ANKS1B: variants seen among roughly 807,000 people sequenced by gnomAD.
ANKS1B encodes ankyrin repeat and sterile alpha motif domain-containing protein 1B.
Under a neutral mutation model 148.3 loss-of-function variants are expected in ANKS1B, and 36 were observed. The observed-to-expected ratio is 0.24, with a 90% CI of 0.19 to 0.32. The LOEUF is 0.32. Ranked by LOEUF, ANKS1B falls within the 10% of genes least tolerant of loss-of-function variation. The pLI is 1.00. For missense variants in ANKS1B, 1,157 were observed against 1,542.6 expected (o/e 0.75, Z 4.19); for synonymous variants, 542 against 560.8 (o/e 0.97, Z 0.47).
At chr12:98,952,428 A>C (rs950654933) in intron 17 of ANKS1B, among the ~76,000 whole-genome samples, 1 of 152,230 alleles carries the variant, frequency 6.6e-6, no homozygotes, top group African/African-American at 2.4e-5. Context: ...AGTTTGTTTT[A>C]GTGAAAGCAT....
chr12:98,799,236 C>T lies in ANKS1B; in HGVS notation c.3271-231G>A, dbSNP rs540280632. 2.0e-3 allele frequency among the ~76,000 whole-genome samples: 299 copies of T among 152,262 alleles called. 2 individuals are homozygous for T. The highest frequency in any genetic ancestry group is 7.0e-3 in the African/African-American group (291 of 41,534). On this transcript the variant is annotated intron_variant, in intron 21 of 26. Transcript: ENST00000683438. ...GTAATTGCTCTTTATAATGAAACTGCAACATCTTCTAAAGATGCCATCTTT... is the reference window on the plus strand; with the variant it reads ...GTAATTGCTCTTTATAATGAAACTGTAACATCTTCTAAAGATGCCATCTTT...
At chr12:99,463,394 T>A (rs1189901084) in intron 10 of ANKS1B, among the ~76,000 whole-genome samples, 1 of 152,224 alleles carries the variant, frequency 6.6e-6, no homozygotes, top group Non-Finnish European at 1.5e-5. Flanking sequence ...CATTTCCATC[T>A]GAGGTACCGG....
chr12:99,187,842 A>G (rs1324445587), intron 14 of ANKS1B, among the ~76,000 whole-genome samples: 2 of 152,190 alleles, frequency 1.3e-5, no homozygotes, highest in Non-Finnish European at 2.9e-5. Flanking sequence ...ACACATAACA[A>G]TATTAACCTT....
chr12:99,321,947 G>A (rs1290649838), intron 12 of ANKS1B, among the ~76,000 whole-genome samples: 1 of 152,144 alleles, frequency 6.6e-6, no homozygotes. Flanking sequence ...AAGACAGTAT[G>A]GTGATTCCTC....
intron 17 of ANKS1B, among the ~76,000 whole-genome samples, chr12:98,944,714 T>C (rs2099842456): frequency 6.6e-6 from 1 of 152,146 alleles, no homozygotes; most frequent in South Asian, 2.1e-4. Context: ...ACTCAAACCA[T>C]GGAATGAAAT....
In ANKS1B at chr12:99,895,854, G is replaced by A. The variant is rs536420758; in HGVS notation, c.135-70465C>T. 2.0e-5 allele frequency among the ~76,000 whole-genome samples: 3 copies of A among 151,374 alleles called. No homozygotes were observed. The South Asian group carries it at 6.2e-4, about 31-fold the overall frequency. ...ATAGAAAAGAAACAAGAGCAGGCAG[G>A]ACTCTGGGCCATCTGCCCCTGCTTC... On this transcript the variant is annotated intron_variant, in intron 1 of 26. Transcript: ENST00000683438.
intron 9 of ANKS1B, among the ~76,000 whole-genome samples, chr12:99,596,293 A>G (rs1354610179): frequency 3.3e-5 from 5 of 151,804 alleles, no homozygotes; most frequent in African/African-American, 4.8e-5. Flanking sequence ...TTCTCATGGT[A>G]TCATCAATCC....
At chr12:99,693,074 C>T (rs1048693978) in intron 8 of ANKS1B, among the ~76,000 whole-genome samples, 5 of 152,080 alleles carry the variant, frequency 3.3e-5, no homozygotes, top group Admixed American at 2.6e-4. Flanking sequence ...TGAGGTACAG[C>T]AGAGGAAGAG....
chr12:98,866,021 G>A (rs750403510), intron 17 of ANKS1B, among the ~76,000 whole-genome samples: 4 of 152,072 alleles, frequency 2.6e-5, no homozygotes, highest in Non-Finnish European at 5.9e-5. Flanking sequence ...GAGCCTGAGG[G>A]TGTCTCTAGG....
chr12:98,832,065 A>G lies in ANKS1B; in HGVS notation c.2850T>C (p.Asp950=). Residue 950 remains aspartate, a synonymous_variant, in exon 18 of 27, where the codon GAT becomes GAC. Transcript: ENST00000683438. The part of the protein sequence containing the change: ...LASLGDRLHD[D]PPQKPPRSIT... ...TGGACCGAGGGGGCTTCTGTGGGGGATCGTCGTGCAGCCTGTCTCCCAGAG... is the reference window on the plus strand; with the variant it reads ...TGGACCGAGGGGGCTTCTGTGGGGGGTCGTCGTGCAGCCTGTCTCCCAGAG... 1 of 1,598,268 alleles carries G rather than the reference A, an allele frequency of 6.3e-7. No homozygotes were observed. Among genetic ancestry groups the G allele is most frequent in the South Asian group, 1.1e-5 (1 of 87,618 alleles).
chr12:99,436,091 A>G lies in ANKS1B; in HGVS notation c.1575+7582T>C, dbSNP rs190798825. 5.9e-5 allele frequency among the ~76,000 whole-genome samples: 9 copies of G among 152,072 alleles called. No individual in the cohort carries two copies. The East Asian group carries it at 1.7e-3, about 29-fold the overall frequency. Reference sequence around the variant, plus strand: ...TTGTTGCAAGTCTGGAAATTACTGAATACAGTCTTCTTTGGCTCTTTCCTT... The same window carrying G: ...TTGTTGCAAGTCTGGAAATTACTGAGTACAGTCTTCTTTGGCTCTTTCCTT... On this transcript the variant is annotated intron_variant, in intron 11 of 26. Transcript: ENST00000683438.
intron 17 of ANKS1B, among the ~76,000 whole-genome samples, chr12:99,026,301 G>A (rs1385606596): frequency 6.6e-6 from 1 of 152,170 alleles, no homozygotes; most frequent in Non-Finnish European, 1.5e-5. Context: ...AGGCTGAGAA[G>A]ACAACTTACC....
intron 5 of ANKS1B, among the ~76,000 whole-genome samples, chr12:99,780,954 GTTA>G (rs1266665078): frequency 1.3e-5 from 2 of 150,276 alleles, no homozygotes; most frequent in Non-Finnish European, 3.0e-5. Context: ...TAAAACACCT[GTTA>G]TTATTTTAGT....
chr12:99,978,561 G>A (rs1203679950), intron 1 of ANKS1B, among the ~76,000 whole-genome samples: 1 of 152,128 alleles, frequency 6.6e-6, no homozygotes, highest in Non-Finnish European at 1.5e-5. Flanking sequence ...TTTTCATGGA[G>A]CTTAACTGCT....
At chr12:99,965,425 T>A (rs1218835560) in intron 1 of ANKS1B, among the ~76,000 whole-genome samples, 1 of 152,182 alleles carries the variant, frequency 6.6e-6, no homozygotes, top group Non-Finnish European at 1.5e-5. Flanking sequence ...TGATGAGGAA[T>A]GGGATATCTG....
intron 17 of ANKS1B, among the ~76,000 whole-genome samples, chr12:98,960,263 G>A (rs1056297673): frequency 6.6e-6 from 1 of 152,074 alleles, no homozygotes; most frequent in African/African-American, 2.4e-5. Context: ...CCCACCCACA[G>A]TTCTAGGCAG....
Position 99,664,084 on chromosome 12 carries a change from C to A in ANKS1B, c.1129-8874G>T, listed in dbSNP as rs143656092. On this transcript the variant is annotated intron_variant, in intron 8 of 26. Transcript: ENST00000683438. ...AGAAAGAGCTAAGTCTAAACTGATG[C>A]CAATTTTATGCACAATACGCAGAAG... 5.9e-4 allele frequency among the ~76,000 whole-genome samples: 90 copies of A among 151,736 alleles called. 1 individual carries two copies. In the East Asian group the frequency reaches 0.012, roughly 21 times the overall value.
At chr12:99,337,350 A>C (rs1161743709) in intron 12 of ANKS1B, among the ~76,000 whole-genome samples, 5 of 152,016 alleles carry the variant, frequency 3.3e-5, no homozygotes, top group Non-Finnish European at 7.4e-5. Flanking sequence ...GATTTTTAAA[A>C]ATTATTTGTC....
At chr12:99,156,308 C>T (rs903403648) in intron 14 of ANKS1B, among the ~76,000 whole-genome samples, 16 of 152,272 alleles carry the variant, frequency 1.1e-4, no homozygotes, top group Middle Eastern at 6.8e-3. Context: ...AGTTCAGGCC[C>T]ACCTAGCCTA....
Sources: gnomAD v4.1 joint callset for allele counts (sites outside exome capture counted in the v4.1 genomes callset) on GRCh38, gnomAD v4.1.1 for gene constraint, MANE v1.5 for transcripts, NCBI Gene and HGNC (gene_info 2026-07-23, HGNC 2026-07-21) for gene names.